ALMS1: variants seen among roughly 807,000 people sequenced by gnomAD.
ALMS1 encodes ALMS1 centrosome and basal body associated protein, also known as centrosome-associated protein ALMS1.
A neutral mutation model predicts 352.2 loss-of-function variants in ALMS1; 271 were observed. The observed-to-expected ratio is 0.77, with a 90% CI of 0.70 to 0.85. The LOEUF is 0.85. Among genes scored for constraint, ALMS1 ranks in the 40% least tolerant of loss-of-function variants. The pLI is 0.00. For synonymous variants in ALMS1, 1,865 were observed against 1,761.2 expected (o/e 1.06, Z -1.48); for missense variants, 5,445 against 4,870.7 (o/e 1.12, Z -3.51).
chr2:73,428,041 A>ATTTAT (rs1376956557), intron 6 of ALMS1, among the ~76,000 whole-genome samples: 2 of 152,210 alleles, frequency 1.3e-5, no homozygotes, highest in Admixed American at 6.5e-5. Context: ...TACATTTATT[A>ATTTAT]AAGTTTTTTT....
chr2:73,433,773 T>A (rs896440751), intron 7 of ALMS1, among the ~76,000 whole-genome samples: 1 of 152,214 alleles, frequency 6.6e-6, no homozygotes, highest in Non-Finnish European at 1.5e-5. Context: ...TTTAAATTGC[T>A]AATTTCATCT....
intron 20 of ALMS1, among the ~76,000 whole-genome samples, chr2:73,603,002 C>G (rs781070630): frequency 6.6e-6 from 1 of 152,098 alleles, no homozygotes; most frequent in Non-Finnish European, 1.5e-5. Context: ...CTTTAGAAAC[C>G]GGCCAGATTT....
intron 7 of ALMS1, among the ~76,000 whole-genome samples, chr2:73,442,886 T>G (rs1671745423): frequency 6.6e-6 from 1 of 152,184 alleles, no homozygotes; most frequent in Non-Finnish European, 1.5e-5. Context: ...CATAGGTATC[T>G]TAATGTCAGA....
chr2:73,494,746 G>A (rs1355634286), intron 10 of ALMS1, among the ~76,000 whole-genome samples: 1 of 152,204 alleles, frequency 6.6e-6, no homozygotes. Context: ...TACTGGTGAT[G>A]TTAACCTTGA....
Position 73,419,295 on chromosome 2 carries a change from A to T in ALMS1, c.623A>T (p.Asp208Val), listed in dbSNP as rs1671241727. ...SENQVKEPNR[D>V]LFCSPLLVIQ... Reference sequence around the variant, plus strand: ...AATCAAGTAAAGGAACCCAACAGAGATCTCTTCTGTTCTCCACTGCTAGGT... The same window carrying T: ...AATCAAGTAAAGGAACCCAACAGAGTTCTCTTCTGTTCTCCACTGCTAGGT... The change falls in exon 3 of 23, where the codon GAT becomes GTT. Residue 208 changes from aspartate (D) to valine (V), a missense_variant. Transcript: ENST00000613296. 6.2e-7 allele frequency: 1 copy of T among 1,613,914 alleles called. No individual in the cohort carries two copies. Among genetic ancestry groups the T allele is most frequent in the Non-Finnish European group, 8.5e-7 (1 of 1,179,818 alleles).
chr2:73,607,428 C>T (rs928424236), intron 21 of ALMS1, among the ~76,000 whole-genome samples: 6 of 152,152 alleles, frequency 3.9e-5, no homozygotes, highest in African/African-American at 1.4e-4. Flanking sequence ...CACCCAACCC[C>T]TGCTAGAACA....
intron 16 of ALMS1, among the ~76,000 whole-genome samples, chr2:73,596,806 T>G (rs1292866408): frequency 6.6e-6 from 1 of 151,806 alleles, no homozygotes; most frequent in African/African-American, 2.4e-5. Flanking sequence ...CCACAATGCC[T>G]TGATTGCTGT....
At chr2:73,476,983 C>T (rs1258657204) in intron 9 of ALMS1, among the ~76,000 whole-genome samples, 1 of 152,050 alleles carries the variant, frequency 6.6e-6, no homozygotes, top group Non-Finnish European at 1.5e-5. Context: ...CTTAAAGGTG[C>T]AATTTCTAAG....
At chr2:73,558,581 C>T (rs1674592015) in intron 14 of ALMS1, among the ~76,000 whole-genome samples, 1 of 152,184 alleles carries the variant, frequency 6.6e-6, no homozygotes, top group Non-Finnish European at 1.5e-5. Flanking sequence ...ATGCTATATA[C>T]TTGCTCTGTT....
At chr2:73,599,265 G>T (rs1675619354) in intron 16 of ALMS1, 136 bp from the exon 17 acceptor site, 32 of 1,132,526 alleles carry the variant, frequency 2.8e-5, no homozygotes, top group Non-Finnish European at 4.1e-5. Flanking sequence ...CAAGTTCACA[G>T]TATCTCAAGC....
At chr2:73,464,750 T>C (rs1479725080) in intron 9 of ALMS1, among the ~76,000 whole-genome samples, 1 of 152,308 alleles carries the variant, frequency 6.6e-6, no homozygotes, top group South Asian at 2.1e-4. Flanking sequence ...CAGCAAAGTC[T>C]CAGGATACAA....
chr2:73,580,645 A>T (rs1484012757), intron 16 of ALMS1, among the ~76,000 whole-genome samples: 1 of 152,152 alleles, frequency 6.6e-6, no homozygotes, highest in African/African-American at 2.4e-5. Flanking sequence ...TCATAATGTT[A>T]TGTTAAAATT....
Position 73,451,223 on chromosome 2 carries a change from A to G in ALMS1, c.4696A>G (p.Ile1566Val), listed in dbSNP as rs761331689. ...TGACCAGACAACTGGCATACCAACCATAACCTCTACTTCCTACTCATTTGG... is the reference window on the plus strand; with the variant it reads ...TGACCAGACAACTGGCATACCAACCGTAACCTCTACTTCCTACTCATTTGG... ...PADQTTGIPT[I>V]TSTSYSFGEK... Residue 1566 changes from isoleucine to valine, a missense_variant, in exon 8 of 23, where the codon ATA becomes GTA. Ile to Val is a conservative substitution (Grantham distance 29). Coordinates refer to ENST00000613296, the MANE Select transcript of ALMS1 (RefSeq NM_001378454.1). 3 of 1,610,970 alleles carry G rather than the reference A, an allele frequency of 1.9e-6. No individual in the cohort carries two copies. Among genetic ancestry groups the G allele is most frequent in the Non-Finnish European group, 2.5e-6 (3 of 1,179,128 alleles).
intron 13 of ALMS1, among the ~76,000 whole-genome samples, chr2:73,554,677 C>T (rs887448554): frequency 1.3e-5 from 2 of 152,150 alleles, no homozygotes; most frequent in African/African-American, 4.8e-5. Context: ...CACGCCACTG[C>T]ACTCCAGCCT....
chr2:73,461,087 G>A (rs531296074), intron 9 of ALMS1, among the ~76,000 whole-genome samples: 66 of 152,358 alleles, frequency 4.3e-4, no homozygotes, highest in Non-Finnish European at 7.8e-4. Context: ...TTTGAAGAGA[G>A]TAGTGGTTCT....
intron 21 of ALMS1, among the ~76,000 whole-genome samples, chr2:73,605,908 T>C (rs547903110): frequency 2.2e-4 from 34 of 152,068 alleles, no homozygotes; most frequent in African/African-American, 7.2e-4. Context: ...TCAAAGAAGA[T>C]CAAGAGTTAC....
At chr2:73,432,794 G>A (rs1411217903) in intron 7 of ALMS1, among the ~76,000 whole-genome samples, 4 of 152,150 alleles carry the variant, frequency 2.6e-5, no homozygotes, top group Admixed American at 2.6e-4. Flanking sequence ...ACCATCACAA[G>A]TCCCCTGATG....
At chr2:73,537,933 G>A (rs1244700571) in intron 12 of ALMS1, among the ~76,000 whole-genome samples, 1 of 152,070 alleles carries the variant, frequency 6.6e-6, no homozygotes, top group Non-Finnish European at 1.5e-5. Context: ...TTGAACCCTC[G>A]AGTTTAAGGC....
At chr2:73,457,787 C>T (rs973733589) in intron 9 of ALMS1, among the ~76,000 whole-genome samples, 2 of 151,840 alleles carry the variant, frequency 1.3e-5, no homozygotes, top group African/African-American at 4.8e-5. Flanking sequence ...AATCCTAGCA[C>T]TTTGGGAAGC....
Sources: gnomAD v4.1 joint callset for allele counts (sites outside exome capture counted in the v4.1 genomes callset) on GRCh38, gnomAD v4.1.1 for gene constraint, MANE v1.5 for transcripts, NCBI Gene and HGNC (gene_info 2026-07-23, HGNC 2026-07-21) for gene names.